XG: variants seen among roughly 807,000 people sequenced by gnomAD.
XG encodes glycoprotein Xg.
Under a neutral mutation model 25.7 loss-of-function variants are expected in XG, and 24 were observed. The observed-to-expected ratio is 0.93, with a 90% CI of 0.68 to 1.31. The LOEUF (loss-of-function observed/expected upper bound fraction) is 1.31, where lower values mean the gene tolerates loss of function less well. Among genes scored for constraint, XG ranks in the 40% most tolerant of loss-of-function variants. The probability of loss-of-function intolerance (pLI) is 0.00; values close to 1 mark genes in which losing one functional copy is unlikely to be tolerated. For synonymous variants in XG, 77 were observed against 69.2 expected, an observed-to-expected ratio of 1.11 and a Z score of -0.56; for missense variants, 181 against 187.6, an observed-to-expected ratio of 0.96 and a Z score of 0.21.
rs377714383 is a variant in XG at position 2,770,568 on chromosome X, T to C, written c.80T>C (p.Leu27Ser). The change falls in exon 2 of 11, where the codon TTG becomes TCG. Residue 27 changes from leucine to serine, a missense_variant. Transcript: ENST00000644266. ...CCAATAGGTCAAAGAGACTTTGATT[T>C]GGCAGATGCCCTTGATGACCCTGGT... ...MHARGQRDFDLADALDDPEPT... is the reference protein window; with the variant it reads ...MHARGQRDFDSADALDDPEPT... 4 of 1,613,844 alleles carry C rather than the reference T, an allele frequency of 2.5e-6. No homozygotes were observed. The highest frequency in any genetic ancestry group is 3.4e-6 in the Non-Finnish European group (4 of 1,179,870).
At chrX:2,752,897 G>A (rs2050364681) in intron 1 of XG, 1 of 985,062 alleles carries the variant, frequency 1.0e-6, no homozygotes, top group South Asian at 4.7e-5. Context: ...TAAACTTGCA[G>A]GCTGGCTGTC....
rs768434650 is a variant in XG at position 2,768,146 on chromosome X, C to T, written c.62-2404C>T. On this transcript the variant is annotated intron_variant, in intron 1 of 10. Coordinates refer to ENST00000644266, the MANE Select transcript of XG (RefSeq NM_001141919.2). Reference sequence around the variant, plus strand: ...GGGACTGGGAGGGGAGAGACAACACCGAGGCCTTTGGTTATTTAGGGCAAC... The same window carrying T: ...GGGACTGGGAGGGGAGAGACAACACTGAGGCCTTTGGTTATTTAGGGCAAC... Among the ~76,000 whole-genome samples, 29 of 152,198 alleles carry T rather than the reference C, an allele frequency of 1.9e-4. No homozygotes were observed. The East Asian group carries it at 5.2e-3, about 27-fold the overall frequency.
At chrX:2,759,249 C>T (rs1569457938) in intron 1 of XG, among the ~76,000 whole-genome samples, 1 of 152,222 alleles carries the variant, frequency 6.6e-6, no homozygotes, top group East Asian at 1.9e-4. Flanking sequence ...CACAGGACAG[C>T]ACCCATGACA....
chrX:2,776,605 G>A (rs1317709792), intron 3 of XG, among the ~76,000 whole-genome samples: 4 of 152,054 alleles, frequency 2.6e-5, no homozygotes, highest in Non-Finnish European at 5.9e-5. Flanking sequence ...GGCTAGGTGA[G>A]TAAAGGAAAA....
chrX:2,799,975 GT>G (rs763340113), intron 7 of XG, among the ~76,000 whole-genome samples: 42 of 112,066 alleles, frequency 3.7e-4, no homozygotes, highest in African/African-American at 1.3e-3. Context: ...ACATGATCTT[GT>G]TCTTTTTTAT....
chrX:2,760,838 G>T (rs2050550102), intron 1 of XG, among the ~76,000 whole-genome samples: 1 of 151,254 alleles, frequency 6.6e-6, no homozygotes, highest in South Asian at 2.1e-4. Flanking sequence ...ACGAGATGAA[G>T]ACACAGACAT....
chrX:2,794,479 G>A (rs1163686347), intron 5 of XG, 56 bp from the exon 6 acceptor site: 4 of 1,174,602 alleles, frequency 3.4e-6, no homozygotes, highest in Non-Finnish European at 2.3e-6. Flanking sequence ...CAGACCTGGT[G>A]TGAAGGGGAC....
At chrX:2,813,652 C>A (rs2087078032) in intron 10 of XG, among the ~76,000 whole-genome samples, 1 of 112,569 alleles carries the variant, frequency 8.9e-6, no homozygotes, top group South Asian at 3.6e-4. Context: ...GTTGTAGTAA[C>A]AGAGCTACAC....
intron 5 of XG, among the ~76,000 whole-genome samples, chrX:2,792,843 C>T (rs907112987): frequency 9.0e-6 from 1 of 111,172 alleles, no homozygotes; most frequent in African/African-American, 3.3e-5. Context: ...TCCCAAAGCT[C>T]TGGAGAGTCT....
intron 1 of XG, among the ~76,000 whole-genome samples, chrX:2,759,264 G>A (rs1216171188): frequency 3.3e-5 from 5 of 152,220 alleles, no homozygotes; most frequent in African/African-American, 1.2e-4. Flanking sequence ...ATGACAGAGA[G>A]TTACGCAGCC....
chrX:2,767,450 C>G (rs183453352), intron 1 of XG, among the ~76,000 whole-genome samples: 1 of 152,184 alleles, frequency 6.6e-6, no homozygotes, highest in Admixed American at 6.5e-5. Context: ...GTTTAGGGAT[C>G]CCAGACCACA....
chrX:2,765,741 C>T (rs777706707), intron 1 of XG, among the ~76,000 whole-genome samples: 13 of 152,266 alleles, frequency 8.5e-5, no homozygotes, highest in East Asian at 5.8e-4. Flanking sequence ...TCCTGTGCTG[C>T]GTGGCAGCTG....
intron 10 of XG, among the ~76,000 whole-genome samples, chrX:2,812,327 A>G (rs1317748898): frequency 2.7e-5 from 3 of 111,715 alleles, no homozygotes; most frequent in Non-Finnish European, 5.6e-5. Flanking sequence ...ATTTGAGAGC[A>G]GAGGATGCCC....
intron 2 of XG, among the ~76,000 whole-genome samples, chrX:2,772,642 G>T (rs1446782023): frequency 6.6e-6 from 1 of 152,158 alleles, no homozygotes; most frequent in African/African-American, 2.4e-5. Flanking sequence ...GGTGGTGATT[G>T]TACAATATTG....
At chrX:2,779,240 G>A (rs1277173524) in intron 3 of XG, among the ~76,000 whole-genome samples, 1 of 150,978 alleles carries the variant, frequency 6.6e-6, no homozygotes, top group Non-Finnish European at 1.5e-5. Flanking sequence ...GGAGGCTGAG[G>A]CATAAGAATC....
chrX:2,772,164 G>A (rs1406070617), intron 2 of XG, among the ~76,000 whole-genome samples: 2 of 152,214 alleles, frequency 1.3e-5, no homozygotes, highest in Non-Finnish European at 2.9e-5. Context: ...AACAAGACAT[G>A]TTATTGATCT....
intron 7 of XG, among the ~76,000 whole-genome samples, chrX:2,804,415 G>A (rs1304850808): frequency 9.3e-6 from 1 of 107,585 alleles, no homozygotes; most frequent in Non-Finnish European, 2.0e-5. Context: ...AGGTGGTTTC[G>A]CCACGTTGCC....
intron 1 of XG, among the ~76,000 whole-genome samples, chrX:2,766,383 C>T (rs2050689611): frequency 6.6e-6 from 1 of 151,902 alleles, no homozygotes; most frequent in African/African-American, 2.4e-5. Context: ...TTGTGATCTG[C>T]CCTCCTCGGC....
At chrX:2,782,023 G>C in intron 3 of XG, 43 bp from the exon 4 acceptor site, 1 of 1,179,444 alleles carries the variant, frequency 8.5e-7, no homozygotes. Context: ...CTAAGGGAAG[G>C]ACAATTTTCT....
Sources: gnomAD v4.1 joint callset for allele counts (sites outside exome capture counted in the v4.1 genomes callset) on GRCh38, gnomAD v4.1.1 for gene constraint, MANE v1.5 for transcripts, NCBI Gene and HGNC (gene_info 2026-07-23, HGNC 2026-07-21) for gene names.